Variants in SLC7A2 observed in about 807,000 individuals in gnomAD.
The protein encoded by SLC7A2 is solute carrier family 7 member 2.
SLC7A2 carries 48 observed loss-of-function variants against 58.9 expected under a neutral mutation model. The ratio of observed to expected loss-of-function variants is 0.82; its 90% confidence interval spans 0.65 to 1.04. SLC7A2 has a LOEUF of 1.04. Among genes scored for constraint, SLC7A2 ranks in the 50% least tolerant of loss-of-function variants. SLC7A2 has a pLI of 0.00. For missense variants in SLC7A2, 1,029 were observed against 818.8 expected (o/e 1.26, Z -3.13); for synonymous variants, 363 against 314.5 (o/e 1.15, Z -1.63).
At chr8:17,531,855 T>C (rs1395198087) in intron 2 of SLC7A2, among the ~76,000 whole-genome samples, 2 of 152,160 alleles carry the variant, frequency 1.3e-5, no homozygotes, top group East Asian at 3.8e-4. Flanking sequence ...GGACTTCTAA[T>C]TGATTTTAGA....
At chr8:17,562,425 G>A (rs776719859) in intron 11 of SLC7A2, among the ~76,000 whole-genome samples, 55 of 151,966 alleles carry the variant, frequency 3.6e-4, no homozygotes, top group Non-Finnish European at 6.5e-4. Flanking sequence ...GGATGGTCTC[G>A]AACTCCTGAC....
intron 1 of SLC7A2, among the ~76,000 whole-genome samples, chr8:17,500,799 T>TACACACACACACAC (rs60002166): frequency 4.8e-4 from 70 of 146,130 alleles, no homozygotes; most frequent in Middle Eastern, 3.5e-3. Context: ...AACACACACA[T>TACACACACACACAC]ACACACACAC....
At chr8:17,495,665 T>C (rs1421431497), upstream of SLC7A2, among the ~76,000 whole-genome samples, 1 of 152,204 alleles carries the variant, frequency 6.6e-6, no homozygotes, top group Non-Finnish European at 1.5e-5. Flanking sequence ...TTCTCCTGCC[T>C]CAACCTCCCG....
rs1351725316 is a variant in SLC7A2 at position 17,568,570 on chromosome 8, T to G, written c.*3424T>G. ...AAATAAGAGACTATTTGTTTTCTTT[T>G]AATTTCTATGAATAAAAGAAATTTT... On this transcript the variant is annotated 3_prime_UTR_variant, in exon 13 of 13. Transcript: ENST00000494857. 6.6e-6 allele frequency: 1 copy of G among 152,180 alleles called. No individual in the cohort carries two copies. Among genetic ancestry groups the G allele is most frequent in the Admixed American group, 6.5e-5 (1 of 15,276 alleles). 9.4% of individuals were successfully genotyped at this position (152,180 alleles called of 1,614,324 possible).
chr8:17,553,733 G>A (rs1470714387), intron 7 of SLC7A2, among the ~76,000 whole-genome samples: 11 of 152,156 alleles, frequency 7.2e-5, no homozygotes, highest in South Asian at 2.1e-4. Context: ...AGCTATGATC[G>A]TACTACTGCA....
At chr8:17,528,281 T>C (rs570687383) in intron 2 of SLC7A2, among the ~76,000 whole-genome samples, 6 of 152,174 alleles carry the variant, frequency 3.9e-5, no homozygotes, top group Non-Finnish European at 4.4e-5. Flanking sequence ...TATAAGCTAA[T>C]TAGGCTTTAT....
chr8:17,518,857 C>T (rs1800904620), intron 2 of SLC7A2, among the ~76,000 whole-genome samples: 1 of 152,196 alleles, frequency 6.6e-6, no homozygotes, highest in African/African-American at 2.4e-5. Context: ...ATTTATTTTT[C>T]ATACTTCTGG....
Position 17,566,704 on chromosome 8 carries a change from A to G in SLC7A2, c.*1558A>G, listed in dbSNP as rs1803281299. 1 of 152,178 alleles carries G rather than the reference A, an allele frequency of 6.6e-6. No homozygotes were observed. Among genetic ancestry groups the G allele is most frequent in the Non-Finnish European group, 1.5e-5 (1 of 68,030 alleles). The allele number at this position is 152,178 out of a possible 1,614,324, so 9.4% of individuals were successfully genotyped here. The stretch of plus-strand genomic sequence containing the variant: ...TTACATGTAAGATTCTCTAATTGTC[A>G]TATTTTACTTTTTAGGATTCCCTAA... On this transcript the variant is annotated 3_prime_UTR_variant, in exon 13 of 13. Transcript: ENST00000494857.
At chr8:17,533,959 C>G (rs1484619881) in intron 2 of SLC7A2, among the ~76,000 whole-genome samples, 1 of 152,156 alleles carries the variant, frequency 6.6e-6, no homozygotes, top group African/African-American at 2.4e-5. Flanking sequence ...GTTCCCCTCC[C>G]TATGTCCATG....
intron 8 of SLC7A2, among the ~76,000 whole-genome samples, chr8:17,555,420 A>T (rs1802651975): frequency 6.6e-6 from 1 of 152,208 alleles, no homozygotes; most frequent in African/African-American, 2.4e-5. Flanking sequence ...TATATTATTG[A>T]TACATAAACT....
chr8:17,550,052 A>G (rs1005404932), intron 5 of SLC7A2, among the ~76,000 whole-genome samples: 1 of 152,168 alleles, frequency 6.6e-6, no homozygotes, highest in Non-Finnish European at 1.5e-5. Flanking sequence ...CAGCTGGAGC[A>G]GGTCTGGGGC....
chr8:17,560,104 CTGATT>C (rs1285428036), intron 9 of SLC7A2, among the ~76,000 whole-genome samples: 1 of 151,858 alleles, frequency 6.6e-6, no homozygotes, highest in African/African-American at 2.4e-5. Context: ...TTGTATGACT[CTGATT>C]TGGTGACTAC....
intron 2 of SLC7A2, among the ~76,000 whole-genome samples, chr8:17,518,910 G>A (rs1455959404): frequency 6.6e-6 from 1 of 152,106 alleles, no homozygotes; most frequent in Non-Finnish European, 1.5e-5. Context: ...GTTGAGCTCT[G>A]GGGAGGGCTC....
intron 2 of SLC7A2, among the ~76,000 whole-genome samples, chr8:17,523,166 G>A (rs2588218): frequency 0.48 from 73,323 of 151,904 alleles, 18,706 homozygotes; most frequent in Middle Eastern, 0.59. Context: ...AAAAAGGAGG[G>A]AGAAAAAAGG....
chr8:17,533,615 A>G (rs1250550657), intron 2 of SLC7A2, among the ~76,000 whole-genome samples: 1 of 152,212 alleles, frequency 6.6e-6, no homozygotes, highest in Non-Finnish European at 1.5e-5. Flanking sequence ...AGAGTGTTCT[A>G]AAGTATTTCT....
chr8:17,539,536 GAAAGAT>G (rs1464838033), intron 2 of SLC7A2, among the ~76,000 whole-genome samples: 2 of 152,180 alleles, frequency 1.3e-5, no homozygotes, highest in Non-Finnish European at 2.9e-5. Context: ...GCTTATTGAA[GAAAGAT>G]ATCTGTTTCT....
upstream of SLC7A2, among the ~76,000 whole-genome samples, chr8:17,496,176 CTCAGCCTGGTGGCTCAAGCCTGTAGTTG>C (rs1364465473): frequency 3.9e-5 from 6 of 152,070 alleles, no homozygotes; most frequent in East Asian, 3.9e-4. Flanking sequence ...GCCTGTAATT[CTCAGCCTGGTGGCTCAAGCCTGTAGTTG>C]TCAGCACTTT....
At chr8:17,499,168 C>G (rs1022409463) in intron 1 of SLC7A2, 3 of 152,382 alleles carry the variant, frequency 2.0e-5, no homozygotes, top group Admixed American at 2.0e-4. Context: ...CCCATTTCTT[C>G]TCTTTTCAGT....
rs977953799 is a variant in SLC7A2 at position 17,560,228 on chromosome 8, A to G, written c.1299-100A>G. ...TAAGTGTTGATTTACTCTACACACT[A>G]TCACTCTGTATGATGTCTTACTTAA... On this transcript the variant is annotated intron_variant, in intron 9 of 12. Transcript: ENST00000494857. 3.3e-5 allele frequency: 27 copies of G among 806,346 alleles called. No homozygotes were observed. The Admixed American group carries it at 3.8e-4, about 11-fold the overall frequency. 49.9% of individuals were successfully genotyped at this position (806,346 alleles called of 1,614,324 possible).
Sources: allele counts gnomAD v4.1 joint callset (sites outside exome capture counted in the v4.1 genomes callset), GRCh38; gene constraint gnomAD v4.1.1; transcripts MANE v1.5; gene names NCBI Gene and HGNC (gene_info 2026-07-23, HGNC 2026-07-21).